The following RBFOX1 variants were observed in gnomAD, a reference collection of about 807,000 sequenced individuals.
RBFOX1 encodes RNA binding protein fox-1 homolog 1.
A neutral mutation model predicts 57.7 loss-of-function variants in RBFOX1; 8 were observed. The observed-to-expected ratio is 0.14, with a 90% CI of 0.08 to 0.25. The LOEUF is 0.25. Ranked by LOEUF, RBFOX1 falls within the 10% of genes least tolerant of loss-of-function variation. The pLI is 1.00. For synonymous variants in RBFOX1, 326 were observed against 222.4 expected (o/e 1.47, Z -4.15); for missense variants, 611 against 548.5 (o/e 1.11, Z -1.14).
intron 6 of RBFOX1, among the ~76,000 whole-genome samples, chr16:7,584,492 C>G (rs2093988545): frequency 1.3e-5 from 2 of 152,106 alleles, no homozygotes; most frequent in South Asian, 4.2e-4. Flanking sequence ...AGGGTTTCAC[C>G]AAGTTGGCCA....
intron 3 of RBFOX1, among the ~76,000 whole-genome samples, chr16:6,891,860 C>T (rs137906238): frequency 3.5e-4 from 53 of 152,304 alleles, no homozygotes; most frequent in African/African-American, 1.3e-3. Flanking sequence ...ACTTAGTGGA[C>T]AGCAAGGCCA....
chr16:7,005,852 C>G (rs1186827388), intron 3 of RBFOX1, among the ~76,000 whole-genome samples: 1 of 152,220 alleles, frequency 6.6e-6, no homozygotes, highest in Non-Finnish European at 1.5e-5. Context: ...ACAGCTTTCG[C>G]TTCACTAAAT....
At chr16:6,746,052 A>G (rs1238192645) in intron 3 of RBFOX1, among the ~76,000 whole-genome samples, 1 of 152,246 alleles carries the variant, frequency 6.6e-6, no homozygotes, top group African/African-American at 2.4e-5. Flanking sequence ...TACTTAGAGG[A>G]ACAAATCTGA....
At chr16:7,252,358 T>C (rs2094527113) in intron 4 of RBFOX1, among the ~76,000 whole-genome samples, 1 of 152,254 alleles carries the variant, frequency 6.6e-6, no homozygotes, top group South Asian at 2.1e-4. Flanking sequence ...ACTCTGTGCT[T>C]GCTCATTACA....
At chr16:5,450,279 A>G (rs1458625526) in intron 1 of RBFOX1, among the ~76,000 whole-genome samples, 1 of 152,200 alleles carries the variant, frequency 6.6e-6, no homozygotes, top group Admixed American at 6.5e-5. Context: ...ACAAGGGGGC[A>G]AGTCTGAGGC....
intron 4 of RBFOX1, among the ~76,000 whole-genome samples, chr16:7,056,422 T>G (rs1030228009): frequency 6.6e-6 from 1 of 152,164 alleles, no homozygotes; most frequent in African/African-American, 2.4e-5. Context: ...ATGGAATCTG[T>G]GCATTAACCA....
intron 2 of RBFOX1, among the ~76,000 whole-genome samples, chr16:5,538,707 C>T (rs2044806046): frequency 6.6e-6 from 1 of 151,438 alleles, no homozygotes; most frequent in African/African-American, 2.4e-5. Context: ...CTCACTGCAA[C>T]CTTCGCCTTC....
intron 4 of RBFOX1, among the ~76,000 whole-genome samples, chr16:7,282,146 A>G (rs1351669899): frequency 2.0e-5 from 3 of 152,150 alleles, no homozygotes; most frequent in Non-Finnish European, 2.9e-5. Flanking sequence ...TACAGGTGTG[A>G]GCCACTGTAC....
intron 3 of RBFOX1, among the ~76,000 whole-genome samples, chr16:6,891,056 C>T (rs891173777): frequency 6.6e-6 from 1 of 152,104 alleles, no homozygotes; most frequent in Non-Finnish European, 1.5e-5. Flanking sequence ...CTTCATGTTC[C>T]CCGTCCCTTC....
At chr16:6,726,793 A>C (rs1009589117) in intron 3 of RBFOX1, among the ~76,000 whole-genome samples, 1 of 151,854 alleles carries the variant, frequency 6.6e-6, no homozygotes, top group African/African-American at 2.4e-5. Context: ...TATGTTCCCT[A>C]CCAGGGTACC....
intron 1 of RBFOX1, among the ~76,000 whole-genome samples, chr16:6,118,529 C>T (rs577277304): frequency 3.8e-4 from 58 of 152,080 alleles, no homozygotes; most frequent in African/African-American, 8.7e-4. Context: ...CTGCTGCTGC[C>T]GCCGCCTCCG....
At chr16:6,599,016 C>T (rs532428589) in intron 2 of RBFOX1, among the ~76,000 whole-genome samples, 3 of 152,132 alleles carry the variant, frequency 2.0e-5, no homozygotes, top group Non-Finnish European at 4.4e-5. Context: ...TGACAACTGA[C>T]AAGATCTGTC....
intron 1 of RBFOX1, among the ~76,000 whole-genome samples, chr16:6,049,802 C>T (rs998713787): frequency 6.6e-6 from 1 of 152,114 alleles, no homozygotes; most frequent in Non-Finnish European, 1.5e-5. Context: ...ATAGCTTCCT[C>T]CTTTAGGAAC....
intron 1 of RBFOX1, among the ~76,000 whole-genome samples, chr16:5,456,421 T>A (rs970279511): frequency 3.9e-5 from 6 of 152,186 alleles, no homozygotes; most frequent in African/African-American, 1.2e-4. Flanking sequence ...TTTGAAAGGT[T>A]GGGTTGTGGA....
chr16:5,465,277 C>T (rs990239529), intron 1 of RBFOX1, among the ~76,000 whole-genome samples: 1 of 152,104 alleles, frequency 6.6e-6, no homozygotes, highest in African/African-American at 2.4e-5. Context: ...GCTGCTGCAT[C>T]CCTGACACCT....
At chr16:7,226,155 C>G (rs1198768634) in intron 4 of RBFOX1, among the ~76,000 whole-genome samples, 1 of 152,100 alleles carries the variant, frequency 6.6e-6, no homozygotes, top group Non-Finnish European at 1.5e-5. Flanking sequence ...CCTTTACAAT[C>G]ATGAAAGGTA....
chr16:5,978,780 C>T (rs2060118644), intron 4 of RBFOX1, among the ~76,000 whole-genome samples: 1 of 151,474 alleles, frequency 6.6e-6, no homozygotes, highest in Non-Finnish European at 1.5e-5. Flanking sequence ...ATGTGTTTCT[C>T]ATGATTAGCC....
chr16:7,025,158 T>C (rs1230800756), intron 3 of RBFOX1, among the ~76,000 whole-genome samples: 1 of 152,214 alleles, frequency 6.6e-6, no homozygotes, highest in African/African-American at 2.4e-5. Flanking sequence ...TGAAGGCTGC[T>C]GCCTGCCCAT....
chr16:6,520,162 AAAC>A (rs1031381711), intron 2 of RBFOX1, among the ~76,000 whole-genome samples: 3 of 152,212 alleles, frequency 2.0e-5, no homozygotes, highest in African/African-American at 7.2e-5. Context: ...TGGAGTATGC[AAAC>A]AACATTTCTT....
Sources: gnomAD v4.1 joint callset for allele counts (sites outside exome capture counted in the v4.1 genomes callset) on GRCh38, gnomAD v4.1.1 for gene constraint, MANE v1.5 for transcripts, NCBI Gene and HGNC (gene_info 2026-07-23, HGNC 2026-07-21) for gene names.